Variants in UBE2V2 observed in about 807,000 individuals in gnomAD.
The protein encoded by UBE2V2 is ubiquitin-conjugating enzyme E2 variant 2.
In UBE2V2, 9 loss-of-function variants were observed where a neutral mutation model predicts 17.2. That is an observed-to-expected ratio of 0.52 (90% confidence interval 0.32 to 0.91). The LOEUF (loss-of-function observed/expected upper bound fraction) is 0.91, where lower values mean the gene tolerates loss of function less well. Among genes scored for constraint, UBE2V2 ranks in the 40% least tolerant of loss-of-function variants. The pLI is 0.04. For synonymous variants in UBE2V2, 61 were observed against 57.5 expected, an observed-to-expected ratio of 1.06 and a Z score of -0.28; for missense variants, 133 against 182.6, an observed-to-expected ratio of 0.73 and a Z score of 1.56.
chr8:47,998,197 C>A, the UBE2V2 span, among the ~76,000 whole-genome samples: 2 of 151,944 alleles, frequency 1.3e-5, no homozygotes, highest in East Asian at 3.9e-4. Context: ...AAAGATAAGC[C>A]TTTTAGGGCA....
intron 1 of UBE2V2, among the ~76,000 whole-genome samples, chr8:48,029,514 T>A (rs2091368639): frequency 6.6e-6 from 1 of 152,184 alleles, no homozygotes; most frequent in Admixed American, 6.5e-5. Flanking sequence ...TTAATCTCAC[T>A]AAAAAAAGTT....
At chr8:48,034,267 T>C (rs1430832951) in intron 1 of UBE2V2, among the ~76,000 whole-genome samples, 2 of 151,836 alleles carry the variant, frequency 1.3e-5, no homozygotes, top group Non-Finnish European at 2.9e-5. Context: ...GATTACAGAT[T>C]CCCGCCACCA....
chr8:48,044,779 A>C (rs1423834450), intron 2 of UBE2V2, among the ~76,000 whole-genome samples: 2 of 152,224 alleles, frequency 1.3e-5, no homozygotes, highest in Non-Finnish European at 2.9e-5. Context: ...ATTCTGACTT[A>C]CTGATTTGAA....
At chr8:48,055,200 C>CTT (rs5891260) in intron 3 of UBE2V2, among the ~76,000 whole-genome samples, 7 of 134,476 alleles carry the variant, frequency 5.2e-5, no homozygotes, top group Non-Finnish European at 7.9e-5. Flanking sequence ...GTTTCTTTTC[C>CTT]TTTTTTTTTT....
upstream of UBE2V2, among the ~76,000 whole-genome samples, chr8:48,006,153 C>T (rs760676122): frequency 2.0e-5 from 3 of 152,230 alleles, no homozygotes; most frequent in Non-Finnish European, 2.9e-5. Context: ...TTAGGTCTTA[C>T]GTTTAAGTCT....
At chr8:48,003,685 GT>G (rs901972107), upstream of UBE2V2, among the ~76,000 whole-genome samples, 4 of 152,072 alleles carry the variant, frequency 2.6e-5, no homozygotes, top group Non-Finnish European at 5.9e-5. Flanking sequence ...GAACATATTA[GT>G]TTTTTTGCTG....
At chr8:48,010,868 T>G (rs1258536834) in intron 1 of UBE2V2, among the ~76,000 whole-genome samples, 1 of 149,702 alleles carries the variant, frequency 6.7e-6, no homozygotes, top group Non-Finnish European at 1.5e-5. Context: ...CAGCAAATTT[T>G]TTTGTATATA....
Position 48,063,478 on chromosome 8 carries a change from T to C in UBE2V2, c.*2650T>C, listed in dbSNP as rs2154508430. The C allele has an allele frequency of 6.6e-6, 1 of 152,350 alleles. No individual in the cohort carries two copies. The highest frequency in any genetic ancestry group is 3.4e-3 in the Middle Eastern group (1 of 294). 9.4% of individuals were successfully genotyped at this position (152,350 alleles called of 1,614,324 possible). On this transcript the variant is annotated 3_prime_UTR_variant, in exon 4 of 4. Transcript: ENST00000523111. ...ACTGTAAATTTGCCTTAGAAATTTG[T>C]TTAAAAGGCTAGCAAGTGAGACCCT...
intron 1 of UBE2V2, among the ~76,000 whole-genome samples, chr8:48,040,618 CCT>C (rs1250991668): frequency 6.6e-6 from 1 of 151,748 alleles, no homozygotes; most frequent in Non-Finnish European, 1.5e-5. Context: ...GAAAGTGTCC[CCT>C]CTGTTTTTTC....
rs1301264163 is a variant in UBE2V2, at chr8:48,058,839, A to G, written c.292-1843A>G. 1.3e-5 allele frequency among the ~76,000 whole-genome samples: 2 copies of G among 151,834 alleles called. 1 individual carries two copies. Among genetic ancestry groups the G allele is most frequent in the Non-Finnish European group, 2.9e-5 (2 of 67,990 alleles). ...GGTTTTTGTTCTCTGTTCTGTTAAT[A>G]TGATATATTACTCTGATTTTTAAAA... On this transcript the variant is annotated intron_variant, in intron 3 of 3. Coordinates refer to ENST00000523111, the MANE Select transcript of UBE2V2 (RefSeq NM_003350.3).
chr8:48,025,684 C>T (rs146777868), intron 1 of UBE2V2, among the ~76,000 whole-genome samples: 29 of 151,528 alleles, frequency 1.9e-4, no homozygotes, highest in Non-Finnish European at 3.5e-4. Context: ...ACTGCAAGCT[C>T]CGCCTCCTGG....
intron 1 of UBE2V2, among the ~76,000 whole-genome samples, chr8:48,031,014 C>G (rs761963681): frequency 1.6e-4 from 25 of 151,856 alleles, no homozygotes; most frequent in African/African-American, 6.0e-4. Flanking sequence ...GGCCACAGAG[C>G]GAGACTCTGT....
the UBE2V2 span, among the ~76,000 whole-genome samples, chr8:48,002,951 C>T: frequency 6.6e-6 from 1 of 152,084 alleles, no homozygotes; most frequent in Non-Finnish European, 1.5e-5. Context: ...GTGGCTGACA[C>T]CTGTAATCCC....
chr8:48,018,971 C>T (rs1334638023), intron 1 of UBE2V2, among the ~76,000 whole-genome samples: 1 of 152,130 alleles, frequency 6.6e-6, no homozygotes, highest in African/African-American at 2.4e-5. Context: ...TGGCTCATGC[C>T]TGTAATCCCA....
intron 1 of UBE2V2, among the ~76,000 whole-genome samples, chr8:48,039,011 C>G (rs990713071): frequency 6.6e-6 from 1 of 151,444 alleles, no homozygotes; most frequent in Non-Finnish European, 1.5e-5. Context: ...TCACCGCAAC[C>G]TCTGCCTCTT....
chr8:48,052,317 G>C (rs2091544019), intron 3 of UBE2V2, among the ~76,000 whole-genome samples: 1 of 152,104 alleles, frequency 6.6e-6, no homozygotes, highest in African/African-American at 2.4e-5. Flanking sequence ...CTCCACTACT[G>C]TTTTGTTTTT....
At chr8:48,035,342 A>G (rs1303992543) in intron 1 of UBE2V2, among the ~76,000 whole-genome samples, 1 of 151,802 alleles carries the variant, frequency 6.6e-6, no homozygotes, top group African/African-American at 2.4e-5. Context: ...GCTGGTCACA[A>G]ACTCCTAACC....
At chr8:48,006,261 T>G (rs1418418256), upstream of UBE2V2, among the ~76,000 whole-genome samples, 3 of 152,220 alleles carry the variant, frequency 2.0e-5, no homozygotes, top group Non-Finnish European at 2.9e-5. Context: ...CACCATTTAT[T>G]AAATAAGGAA....
chr8:48,044,133 A>G (rs137882197), intron 2 of UBE2V2, among the ~76,000 whole-genome samples: 4 of 152,196 alleles, frequency 2.6e-5, no homozygotes, highest in Non-Finnish European at 5.9e-5. Flanking sequence ...GGTAGAGTTT[A>G]GAGTTCCTCC....
Sources: gnomAD v4.1 joint callset for allele counts (sites outside exome capture counted in the v4.1 genomes callset) on GRCh38, gnomAD v4.1.1 for gene constraint, MANE v1.5 for transcripts, NCBI Gene and HGNC (gene_info 2026-07-23, HGNC 2026-07-21) for gene names.